The following ARMC9 variants were observed in gnomAD, a reference collection of about 807,000 sequenced individuals.
ARMC9 encodes lisH domain-containing protein ARMC9.
ARMC9 carries 94 observed loss-of-function variants against 107.0 expected under a neutral mutation model. The ratio of observed to expected loss-of-function variants is 0.88; its 90% CI spans 0.74 to 1.04. The LOEUF is 1.04. Ranked by LOEUF, ARMC9 falls within the 50% of genes least tolerant of loss-of-function variation. ARMC9 has a pLI of 0.00. For missense variants in ARMC9, 942 were observed against 1,030.1 expected, an observed-to-expected ratio of 0.91 and a Z score of 1.17; for synonymous variants, 380 against 396.9, an observed-to-expected ratio of 0.96 and a Z score of 0.51.
At chr2:231,323,536 G>C (rs1174134451) in intron 19 of ARMC9, among the ~76,000 whole-genome samples, 1 of 152,118 alleles carries the variant, frequency 6.6e-6, no homozygotes, top group African/African-American at 2.4e-5. Context: ...AGCTCAGTTT[G>C]CTTCCGCTCT....
At chr2:231,243,906 G>A (rs1642520341) in intron 9 of ARMC9, among the ~76,000 whole-genome samples, 1 of 152,210 alleles carries the variant, frequency 6.6e-6, no homozygotes, top group Admixed American at 6.5e-5. Flanking sequence ...GATTTGGAAG[G>A]AGAAGAAGAT....
At chr2:231,337,517 TGGAGTTCAGTGGCG>T (rs1346830034) in intron 20 of ARMC9, among the ~76,000 whole-genome samples, 2 of 127,506 alleles carry the variant, frequency 1.6e-5, no homozygotes, top group African/African-American at 6.5e-5. Context: ...TCGCCCAGGC[TGGAGTTCAGTGGCG>T]GGATCTCGGC....
chr2:231,277,574 T>C (rs2039869844), intron 15 of ARMC9, among the ~76,000 whole-genome samples: 2 of 151,996 alleles, frequency 1.3e-5, no homozygotes, highest in South Asian at 2.1e-4. Context: ...TTTTTTTTTT[T>C]TTTTGAGATG....
intron 18 of ARMC9, among the ~76,000 whole-genome samples, chr2:231,291,743 A>G (rs1373169922): frequency 6.6e-6 from 1 of 151,170 alleles, no homozygotes; most frequent in Non-Finnish European, 1.5e-5. Flanking sequence ...TGAACCCAGG[A>G]GGCAGAAGTT....
chr2:231,281,636 C>T (rs1204950561), intron 16 of ARMC9, among the ~76,000 whole-genome samples: 1 of 152,016 alleles, frequency 6.6e-6, no homozygotes, highest in African/African-American at 2.4e-5. Flanking sequence ...GGTTCATGGA[C>T]GATGATGTCT....
At position 231,374,514 on chromosome 2, in the gene ARMC9, A is replaced by G. The variant is rs1353247865; in HGVS notation, c.*2979A>G. The G allele has an allele frequency of 1.3e-5, 2 of 152,066 alleles. No individual in the cohort carries two copies. The highest frequency in any genetic ancestry group is 2.9e-5 in the Non-Finnish European group (2 of 68,014). The allele number at this position is 152,066 out of a possible 1,614,324, so 9.4% of individuals were successfully genotyped here. On this transcript the variant is annotated 3_prime_UTR_variant, in exon 25 of 25. Coordinates refer to ENST00000611582, the MANE Select transcript of ARMC9 (RefSeq NM_001352754.2). ...GCCAGAGATTAGTCAATAGGTGAGG[A>G]AAGATTTGGCCCAAATCAAAAGAGC...
intron 13 of ARMC9, 138 bp from the exon 14 acceptor site, chr2:231,272,817 A>G: frequency 2.6e-6 from 3 of 1,152,728 alleles, no homozygotes; most frequent in Non-Finnish European, 3.6e-6. Context: ...CGCCCTGCCC[A>G]GTAAGTTTTT....
chr2:231,211,727 A>G lies in ARMC9; in HGVS notation c.178-3104A>G, dbSNP rs2032891712. ...TTTCCATTCCCACCAGCAGTACATA[A>G]GCGTTCCAGTTTCTCTACATCCTTG... On this transcript the variant is annotated intron_variant, in intron 3 of 24. Transcript: ENST00000611582. Among the ~76,000 whole-genome samples the G allele has an allele frequency of 2.0e-5, 3 of 152,266 alleles. No individual in the cohort carries two copies. In the South Asian group the frequency reaches 6.2e-4, roughly 32 times the overall value.
chr2:231,354,641 C>T (rs1044288367), intron 21 of ARMC9, among the ~76,000 whole-genome samples: 6 of 152,156 alleles, frequency 3.9e-5, no homozygotes, highest in Non-Finnish European at 7.3e-5. Context: ...CTTGGCCTCC[C>T]AAAGTGCTGG....
intron 1 of ARMC9, among the ~76,000 whole-genome samples, chr2:231,201,903 G>T (rs1042163287): frequency 6.6e-6 from 1 of 152,130 alleles, no homozygotes; most frequent in Non-Finnish European, 1.5e-5. Flanking sequence ...TGTTGCTGTA[G>T]TCGCTTTGGT....
At chr2:231,346,836 A>T (rs2044837202) in intron 21 of ARMC9, among the ~76,000 whole-genome samples, 1 of 152,234 alleles carries the variant, frequency 6.6e-6, no homozygotes, top group African/African-American at 2.4e-5. Context: ...ATTACTAGTA[A>T]ATCTAGTTGA....
At chr2:231,318,958 C>G (rs1481966542) in intron 19 of ARMC9, among the ~76,000 whole-genome samples, 1 of 151,996 alleles carries the variant, frequency 6.6e-6, no homozygotes, top group African/African-American at 2.4e-5. Flanking sequence ...CTTTGAAGAG[C>G]AGTGGGGCAG....
At chr2:231,210,921 C>T (rs183913526) in intron 3 of ARMC9, among the ~76,000 whole-genome samples, 201 of 152,278 alleles carry the variant, frequency 1.3e-3, no homozygotes, top group African/African-American at 4.4e-3. Context: ...TTTATCCTCC[C>T]CCTAGGCCTT....
At position 231,256,258 on chromosome 2, in the gene ARMC9, C is replaced by T. The variant is rs980654190; in HGVS notation, c.880-328C>T. On this transcript the variant is annotated intron_variant, in intron 9 of 24. Transcript: ENST00000611582. ...TAAAAGGCCCCGTGCGCGAGGGCGA[C>T]GTGCTCACCCTTTTGGAGTCAGAGC... 21 of 1,548,878 alleles carry T rather than the reference C, an allele frequency of 1.4e-5. No homozygotes were observed. In the East Asian group the frequency reaches 1.9e-4, roughly 14 times the overall value.
Position 231,291,446 on chromosome 2 carries a change from C to A in ARMC9, c.1717+3C>A, listed in dbSNP as rs1267841885. The A allele has an allele frequency of 3.7e-6, 6 of 1,609,876 alleles. No homozygotes were observed. The African/African-American group carries it at 4.0e-5, about 11-fold the overall frequency. On this transcript the variant is annotated splice_donor_region_variant and intron_variant, in intron 18 of 24. Transcript: ENST00000611582. ...CATCATCAAGCAGCTAAATTCCGGTCAGTTTGATGCAAGAATCTTTGATCT... is the reference window on the plus strand; with the variant it reads ...CATCATCAAGCAGCTAAATTCCGGTAAGTTTGATGCAAGAATCTTTGATCT...
At chr2:231,354,370 A>G (rs2045245557) in intron 21 of ARMC9, among the ~76,000 whole-genome samples, 2 of 135,580 alleles carry the variant, frequency 1.5e-5, no homozygotes, top group African/African-American at 2.8e-5. Flanking sequence ...GGGTTGAGCC[A>G]TGTGAATTTT....
chr2:231,267,385 C>T (rs2038947651), intron 12 of ARMC9, among the ~76,000 whole-genome samples: 1 of 152,128 alleles, frequency 6.6e-6, no homozygotes, highest in Non-Finnish European at 1.5e-5. Flanking sequence ...TGCGCGTCAC[C>T]ATGCCCAGCT....
At chr2:231,291,273 T>C (rs1450152563) in intron 17 of ARMC9, 80 bp from the exon 18 acceptor site, 1 of 1,126,652 alleles carries the variant, frequency 8.9e-7, no homozygotes, top group Non-Finnish European at 1.3e-6. Context: ...ATTTTTTGGA[T>C]TAGATGAGAT....
chr2:231,309,718 AT>A (rs531655945), intron 19 of ARMC9, among the ~76,000 whole-genome samples: 139 of 146,498 alleles, frequency 9.5e-4, no homozygotes, highest in South Asian at 5.4e-3. Context: ...ACTTTTTACA[AT>A]TTTTTTTTTT....
Sources: allele counts gnomAD v4.1 joint callset (sites outside exome capture counted in the v4.1 genomes callset), GRCh38; gene constraint gnomAD v4.1.1; transcripts MANE v1.5; gene names NCBI Gene and HGNC (gene_info 2026-07-23, HGNC 2026-07-21).